The following TAFA2 variants were observed in gnomAD, a reference collection of about 807,000 sequenced individuals.
TAFA2 encodes the protein chemokine-like protein TAFA-2.
TAFA2 carries 7 observed loss-of-function variants against 18.8 expected under a neutral mutation model. The observed-to-expected ratio is 0.37, with a 90% CI of 0.21 to 0.70. The LOEUF is 0.70. Ranked by LOEUF, TAFA2 falls within the 30% of genes least tolerant of loss-of-function variation. TAFA2 has a pLI of 0.53. For synonymous variants in TAFA2, 60 were observed against 54.2 expected (o/e 1.11, Z -0.47); for missense variants, 122 against 158.1 (o/e 0.77, Z 1.23).
chr12:61,778,215 G>T (rs1252646272), intron 2 of TAFA2, among the ~76,000 whole-genome samples: 1 of 151,744 alleles, frequency 6.6e-6, no homozygotes, highest in African/African-American at 2.4e-5. Context: ...TCACCCTAAG[G>T]ATTAACTGGA....
chr12:62,132,303 A>G (rs913062852), intron 1 of TAFA2, among the ~76,000 whole-genome samples: 50 of 42,036 alleles, frequency 1.2e-3, no homozygotes, highest in African/African-American at 5.0e-3. Context: ...TTAGCAGAAA[A>G]AAAAAAAAAT....
intron 1 of TAFA2, chr12:61,890,210 G>A (rs1875568652): frequency 6.6e-6 from 1 of 152,208 alleles, no homozygotes; most frequent in Non-Finnish European, 1.5e-5. Flanking sequence ...CAGAGATAAG[G>A]TCACTTTGTG....
chr12:62,216,759 T>G (rs187088655), intron 1 of TAFA2, among the ~76,000 whole-genome samples: 86 of 152,342 alleles, frequency 5.6e-4, no homozygotes, highest in Non-Finnish European at 1.0e-3. Flanking sequence ...TACCCAAAGC[T>G]AGGTTAATTC....
chr12:61,888,825 T>G (rs1022061543), intron 1 of TAFA2, among the ~76,000 whole-genome samples: 1 of 152,176 alleles, frequency 6.6e-6, no homozygotes, highest in Non-Finnish European at 1.5e-5. Context: ...GTCCCAGAAA[T>G]GAATACCTGA....
At chr12:61,747,766 G>A (rs961596642) in intron 4 of TAFA2, among the ~76,000 whole-genome samples, 1 of 150,660 alleles carries the variant, frequency 6.6e-6, no homozygotes, top group African/African-American at 2.4e-5. Context: ...CCTAATGCTA[G>A]ATGACGAGTT....
chr12:61,752,839 C>T (rs940505090), intron 4 of TAFA2, among the ~76,000 whole-genome samples: 2 of 151,936 alleles, frequency 1.3e-5, no homozygotes, highest in Admixed American at 6.6e-5. Flanking sequence ...TATACCATTA[C>T]TCTGTTCTAT....
chr12:61,930,704 C>T (rs1877519575), intron 1 of TAFA2, among the ~76,000 whole-genome samples: 1 of 152,204 alleles, frequency 6.6e-6, no homozygotes, highest in South Asian at 2.1e-4. Flanking sequence ...GACTTACTTC[C>T]ACGCCAGATT....
intron 2 of TAFA2, among the ~76,000 whole-genome samples, chr12:61,825,910 T>C (rs1369289496): frequency 2.0e-5 from 3 of 152,040 alleles, no homozygotes; most frequent in African/African-American, 7.2e-5. Flanking sequence ...ATTTAAGTCA[T>C]TGGATCTGTA....
At chr12:62,057,374 A>G (rs1370471648) in intron 1 of TAFA2, among the ~76,000 whole-genome samples, 1 of 151,902 alleles carries the variant, frequency 6.6e-6, no homozygotes, top group Non-Finnish European at 1.5e-5. Context: ...CCATCTCACA[A>G]GATGTTATGT....
intron 2 of TAFA2, among the ~76,000 whole-genome samples, chr12:61,847,536 G>C (rs181963184): frequency 6.6e-6 from 1 of 152,298 alleles, no homozygotes; most frequent in African/African-American, 2.4e-5. Flanking sequence ...CATGAAAAAT[G>C]CGTGAGAGAA....
chr12:62,141,118 A>G (rs570788616), intron 1 of TAFA2, among the ~76,000 whole-genome samples: 1 of 152,366 alleles, frequency 6.6e-6, no homozygotes, highest in South Asian at 2.1e-4. Flanking sequence ...AAATTGTCCA[A>G]GGTTACCAGT....
chr12:62,185,324 T>C (rs1350222934), intron 1 of TAFA2, among the ~76,000 whole-genome samples: 1 of 152,224 alleles, frequency 6.6e-6, no homozygotes, highest in Admixed American at 6.5e-5. Context: ...CCCTTGGCCT[T>C]TGAATTGCTT....
At chr12:61,871,518 G>T (rs1327427723) in intron 1 of TAFA2, among the ~76,000 whole-genome samples, 7 of 152,156 alleles carry the variant, frequency 4.6e-5, no homozygotes, top group Non-Finnish European at 8.8e-5. Flanking sequence ...ACAGTGAAAA[G>T]AAACTGGAAA....
chr12:62,255,988 G>T (rs1039373059), intron 1 of TAFA2, among the ~76,000 whole-genome samples: 1 of 152,182 alleles, frequency 6.6e-6, no homozygotes, highest in East Asian at 1.9e-4. Flanking sequence ...AAAGAGGATA[G>T]GCCAGGCACG....
intron 1 of TAFA2, among the ~76,000 whole-genome samples, chr12:61,940,578 A>G (rs851911): frequency 1.3e-5 from 2 of 152,162 alleles, no homozygotes; most frequent in African/African-American, 4.8e-5. Flanking sequence ...ATAGATTACA[A>G]TGGGCCTCAG....
At chr12:62,088,269 T>C (rs889234521) in intron 1 of TAFA2, among the ~76,000 whole-genome samples, 1 of 150,906 alleles carries the variant, frequency 6.6e-6, no homozygotes, top group Non-Finnish European at 1.5e-5. Flanking sequence ...CCTCTTTCCA[T>C]CCCAATTCAG....
chr12:62,216,898 T>A (rs963999976), intron 1 of TAFA2, among the ~76,000 whole-genome samples: 1 of 152,190 alleles, frequency 6.6e-6, no homozygotes, highest in Non-Finnish European at 1.5e-5. Flanking sequence ...GCATATACAT[T>A]ACGGTATACC....
At chr12:62,183,221 C>A (rs2062563530) in intron 1 of TAFA2, among the ~76,000 whole-genome samples, 1 of 152,184 alleles carries the variant, frequency 6.6e-6, no homozygotes, top group Non-Finnish European at 1.5e-5. Flanking sequence ...CACCCCACAA[C>A]CACCACATGA....
intron 2 of TAFA2, among the ~76,000 whole-genome samples, chr12:61,844,310 G>C (rs1367137261): frequency 6.6e-6 from 1 of 152,026 alleles, no homozygotes; most frequent in Admixed American, 6.6e-5. Flanking sequence ...CTATTTCCAG[G>C]CACTTTCAGC....
Sources: gnomAD v4.1 joint callset for allele counts (sites outside exome capture counted in the v4.1 genomes callset) on GRCh38, gnomAD v4.1.1 for gene constraint, MANE v1.5 for transcripts, NCBI Gene and HGNC (gene_info 2026-07-23, HGNC 2026-07-21) for gene names.